Variants in STS observed in about 807,000 individuals in gnomAD.
STS encodes steryl-sulfatase.
A neutral mutation model predicts 26.8 loss-of-function variants in STS; 7 were observed. That is an observed-to-expected ratio of 0.26 (90% CI 0.15 to 0.49). The LOEUF (loss-of-function observed/expected upper bound fraction) is 0.49, where lower values mean the gene tolerates loss of function less well. Among genes scored for constraint, STS ranks in the 20% least tolerant of loss-of-function variants. The probability of loss-of-function intolerance (pLI) is 0.98; values close to 1 mark genes in which losing one functional copy is unlikely to be tolerated. For synonymous variants in STS, 199 were observed against 189.4 expected, an observed-to-expected ratio of 1.05 and a Z score of -0.42; for missense variants, 434 against 465.6, an observed-to-expected ratio of 0.93 and a Z score of 0.63.
At chrX:7,323,224 TG>T (rs1405021667) in intron 8 of STS, among the ~76,000 whole-genome samples, 16 of 110,806 alleles carry the variant, frequency 1.4e-4, no homozygotes, top group African/African-American at 2.6e-4. Flanking sequence ...CAAAACAACA[TG>T]TTTTTTTTTT....
At chrX:7,150,877 G>T (rs1174108217) in intron 1 of STS, among the ~76,000 whole-genome samples, 7 of 112,278 alleles carry the variant, frequency 6.2e-5, no homozygotes, top group African/African-American at 2.3e-4. Flanking sequence ...TTCTCCAACA[G>T]CCAAAGATGG....
chrX:7,186,120 T>C (rs1249015942), intron 1 of STS, among the ~76,000 whole-genome samples: 1 of 112,701 alleles, frequency 8.9e-6, no homozygotes, highest in Admixed American at 9.4e-5. Context: ...TTCTTAGTAC[T>C]TCCCATTCAC....
At position 7,317,529 on chromosome X, in the gene STS, CG is replaced by C. The variant is rs1569223438; in HGVS notation, c.1082-7809del. ...TGTCACCCAGGCTAGGGTGCAGTGG[CG>C]TGATCACAGCTCACTATGGCCTCAA... is the stretch of plus-strand genomic sequence containing the variant. On this transcript the variant is annotated intron_variant, in intron 8 of 10. Transcript: ENST00000674429. Among the ~76,000 whole-genome samples the C allele has an allele frequency of 7.2e-5, 8 of 111,731 alleles. No homozygotes were observed. The South Asian group carries it at 3.0e-3, about 42-fold the overall frequency.
At chrX:7,327,602 C>T (rs1204560341) in intron 9 of STS, among the ~76,000 whole-genome samples, 1 of 110,142 alleles carries the variant, frequency 9.1e-6, no homozygotes, top group Non-Finnish European at 1.9e-5. Flanking sequence ...CAAAGCTGGT[C>T]TTGAAGTCTT....
intron 6 of STS, among the ~76,000 whole-genome samples, chrX:7,269,168 G>A (rs1174565303): frequency 2.0e-5 from 2 of 98,871 alleles, no homozygotes; most frequent in African/African-American, 7.5e-5. Flanking sequence ...AAAAAAGGAG[G>A]GGAGGGCTTC....
chrX:7,226,989 C>A (rs754009716), intron 2 of STS, among the ~76,000 whole-genome samples: 4 of 111,939 alleles, frequency 3.6e-5, no homozygotes, highest in Non-Finnish European at 7.5e-5. Flanking sequence ...ATTTTAGCCA[C>A]CGTAGGGGTT....
intron 7 of STS, among the ~76,000 whole-genome samples, chrX:7,283,447 G>A (rs1464248007): frequency 8.9e-6 from 1 of 112,068 alleles, no homozygotes; most frequent in Non-Finnish European, 1.9e-5. Context: ...CCTGTAAATT[G>A]TAGAATTATA....
rs183453914 is a variant in STS at position 7,238,530 on chromosome X, G to T, written c.-4-14666G>T. 2.7e-5 allele frequency among the ~76,000 whole-genome samples: 3 copies of T among 110,775 alleles called. No individual in the cohort carries two copies. The East Asian group carries it at 8.6e-4, about 32-fold the overall frequency. On this transcript the variant is annotated intron_variant, in intron 2 of 10. Coordinates refer to ENST00000674429, the MANE Select transcript of STS (RefSeq NM_001320752.2). Reference sequence around the variant, plus strand: ...ATCAACTGGAGCAATGACAGAGAAGGGGGAAAATAAGGGGAAAGCCAGGAG... The same window carrying T: ...ATCAACTGGAGCAATGACAGAGAAGTGGGAAAATAAGGGGAAAGCCAGGAG...
At chrX:7,343,595 C>G (rs1193345870) in intron 10 of STS, among the ~76,000 whole-genome samples, 2 of 111,734 alleles carry the variant, frequency 1.8e-5, no homozygotes, top group Non-Finnish European at 3.8e-5. Context: ...GCAGCTATGC[C>G]CAGCATCACG....
At chrX:7,195,919 A>T (rs1933964101) in intron 2 of STS, among the ~76,000 whole-genome samples, 1 of 112,576 alleles carries the variant, frequency 8.9e-6, no homozygotes, top group African/African-American at 3.2e-5. Context: ...TGAAGCTGAA[A>T]GATATTAAGC....
chrX:7,171,887 A>C (rs1323352799), intron 1 of STS, among the ~76,000 whole-genome samples: 4 of 112,167 alleles, frequency 3.6e-5, no homozygotes, highest in African/African-American at 1.3e-4. Flanking sequence ...CTTTTCTTTA[A>C]ATAATATTGA....
chrX:7,157,197 T>C (rs1276901966), intron 1 of STS, among the ~76,000 whole-genome samples: 2 of 111,945 alleles, frequency 1.8e-5, no homozygotes, highest in East Asian at 2.8e-4. Context: ...CCAATTTGCA[T>C]TGAGATGCTT....
chrX:7,235,573 C>G (rs1327242280), intron 2 of STS, among the ~76,000 whole-genome samples: 1 of 111,667 alleles, frequency 9.0e-6, no homozygotes, highest in Non-Finnish European at 1.9e-5. Flanking sequence ...GAGTTCAGGA[C>G]CAGCCTGGGC....
At chrX:7,243,537 G>A (rs1227113446) in intron 2 of STS, among the ~76,000 whole-genome samples, 5 of 111,675 alleles carry the variant, frequency 4.5e-5, no homozygotes, top group African/African-American at 1.6e-4. Context: ...CTCTCATTCT[G>A]CTAGTTCTTG....
chrX:7,182,725 C>T (rs1308998493), intron 1 of STS, among the ~76,000 whole-genome samples: 1 of 110,985 alleles, frequency 9.0e-6, no homozygotes, highest in African/African-American at 3.3e-5. Context: ...CCTTCCCTGT[C>T]TACCTCTCTA....
intron 2 of STS, among the ~76,000 whole-genome samples, chrX:7,242,919 A>G (rs1172879114): frequency 1.8e-5 from 2 of 112,031 alleles, no homozygotes; most frequent in Non-Finnish European, 3.8e-5. Flanking sequence ...CTATAATGTC[A>G]TCTTTCTGGG....
chrX:7,150,205 A>G (rs777030998), intron 1 of STS, among the ~76,000 whole-genome samples: 20 of 111,937 alleles, frequency 1.8e-4, no homozygotes, highest in African/African-American at 6.5e-4. Flanking sequence ...ATTAAATTAA[A>G]AAAGAGTATT....
chrX:7,237,826 C>A (rs1922392934), intron 2 of STS, among the ~76,000 whole-genome samples: 1 of 111,378 alleles, frequency 9.0e-6, no homozygotes, highest in South Asian at 3.8e-4. Context: ...TTTTCTCCTT[C>A]ACCCCTTCCC....
chrX:7,247,394 C>T lies in STS; in HGVS notation c.-4-5802C>T, dbSNP rs748217490. Reference sequence around the variant, plus strand: ...GTGTCATGTGTGAAGGAAGTACCCCCGGACTGCCAGTCACATAGCTTCCCA... The same window carrying T: ...GTGTCATGTGTGAAGGAAGTACCCCTGGACTGCCAGTCACATAGCTTCCCA... On this transcript the variant is annotated intron_variant, in intron 2 of 10. Transcript: ENST00000674429. Among the ~76,000 whole-genome samples the T allele has an allele frequency of 4.8e-4, 54 of 111,491 alleles. 1 individual carries two copies. Among genetic ancestry groups the T allele is most frequent in the African/African-American group, 1.7e-3 (53 of 30,709 alleles).
Sources: allele counts gnomAD v4.1 joint callset (sites outside exome capture counted in the v4.1 genomes callset), GRCh38; gene constraint gnomAD v4.1.1; transcripts MANE v1.5; gene names NCBI Gene and HGNC (gene_info 2026-07-23, HGNC 2026-07-21).